The following LMTK3 variants were observed in gnomAD, a reference collection of about 807,000 sequenced individuals.
LMTK3 encodes the protein lemur tail kinase 3.
In LMTK3, 27 loss-of-function variants were observed where a neutral mutation model predicts 116.7. The observed-to-expected ratio is 0.23, with a 90% CI of 0.17 to 0.32. LMTK3 has a LOEUF of 0.32. LMTK3 is among the 10% of genes least tolerant of loss of function. LMTK3 has a pLI of 1.00. For missense variants in LMTK3, 1,764 were observed against 2,068.5 expected (o/e 0.85, Z 2.86); for synonymous variants, 965 against 971.0 (o/e 0.99, Z 0.11).
At position 48,488,139 on chromosome 19, in the gene LMTK3, C is replaced by T. The variant is rs182552525; in HGVS notation, c.4367-2350G>A. ...AGGTGAAGCCATTCTCGCTTGCCAG[C>T]CCTGCCAGCTCAGCCCTGACTCACC... On this transcript the variant is annotated intron_variant, in intron 14 of 14. Transcript: ENST00000600059. 2.4e-3 allele frequency among the ~76,000 whole-genome samples: 367 copies of T among 152,274 alleles called. 3 individuals are homozygous for T. Among genetic ancestry groups the T allele is most frequent in the African/African-American group, 8.4e-3 (348 of 41,532 alleles).
At chr19:48,510,651 G>GC (rs1008211017) in intron 1 of LMTK3, 59 bp from the exon 2 acceptor site, 3 of 1,475,392 alleles carry the variant, frequency 2.0e-6, no homozygotes, top group Admixed American at 5.6e-5. Context: ...CCGGAATCAT[G>GC]CCCCCTCCCG....
intron 7 of LMTK3, among the ~76,000 whole-genome samples, chr19:48,502,142 C>A (rs899152044): frequency 7.8e-6 from 1 of 128,922 alleles, no homozygotes; most frequent in African/African-American, 3.0e-5. Flanking sequence ...TCCTCCTCCT[C>A]CCCTGACCCC....
chr19:48,511,379 T>G lies in LMTK3; in HGVS notation c.76+122A>C, dbSNP rs551126254. On this transcript the variant is annotated intron_variant, in intron 1 of 14. Transcript: ENST00000600059. ...CCGTCCCCGCCGCTCCGGGCCCTGC[T>G]GGGCTGCGGGAAGACGCGCACCAGG... 5 of 368,880 alleles carry G rather than the reference T, an allele frequency of 1.4e-5. No individual in the cohort carries two copies. In the South Asian group the frequency reaches 3.1e-4, roughly 23 times the overall value. 22.9% of individuals were successfully genotyped at this position (368,880 alleles called of 1,614,324 possible).
intron 4 of LMTK3, 33 bp downstream of exon 4, chr19:48,509,404 T>C: frequency 6.5e-7 from 1 of 1,538,452 alleles, no homozygotes. Flanking sequence ...TCGGGATCCA[T>C]GGAGCCCTGC....
Position 48,493,975 on chromosome 19 carries a change from G to A in LMTK3, c.3811C>T (p.Pro1271Ser). Residue 1271 changes from proline (P) to serine (S), a missense_variant, in exon 12 of 15, where the codon CCG becomes TCG. By Grantham distance (74) the Pro-to-Ser change is moderately conservative (BLOSUM62 -1). Around this residue, in one of 7 missense-constraint regions of LMTK3, gnomAD observed 281 missense variants for 301.4 expected, o/e 0.93. Coordinates refer to ENST00000600059, the MANE Select transcript of LMTK3 (RefSeq NM_001388485.1). ...AGGEAGGAGA[P>S]GPAEEDGEDE... ...TCCCCGTCCTCCTCCGCCGGCCCCG[G>A]CGCTCCCGCCCCGCCGGCCTCCCCG... The A allele has an allele frequency of 9.5e-7, 1 of 1,049,388 alleles. No individual in the cohort carries two copies. Among genetic ancestry groups the A allele is most frequent in the Non-Finnish European group, 1.1e-6 (1 of 875,036 alleles). 65.0% of individuals were successfully genotyped at this position (1,049,388 alleles called of 1,614,324 possible).
chr19:48,511,466 G>T, intron 1 of LMTK3, 35 bp downstream of exon 1: 2 of 1,045,912 alleles, frequency 1.9e-6, no homozygotes, highest in Non-Finnish European at 2.6e-6. Context: ...CGGGGGTGGG[G>T]GCCACCGGAC....
At chr19:48,509,054 C>T in intron 4 of LMTK3, 85 bp from the exon 5 acceptor site, 1 of 873,888 alleles carries the variant, frequency 1.1e-6, no homozygotes, top group Non-Finnish European at 1.8e-6. Flanking sequence ...CACACAGCTC[C>T]CAACCCCCGG....
At chr19:48,506,690 T>G (rs1036086463) in intron 5 of LMTK3, among the ~76,000 whole-genome samples, 8 of 152,108 alleles carry the variant, frequency 5.3e-5, no homozygotes, top group Admixed American at 6.6e-5. Context: ...TTGTTGTTGT[T>G]TTCTCACGCT....
chr19:48,488,093 G>A lies in LMTK3; in HGVS notation c.4367-2304C>T, dbSNP rs141953666. Among the ~76,000 whole-genome samples, 412 of 152,164 alleles carry A rather than the reference G, an allele frequency of 2.7e-3. 3 individuals carry two copies. Among genetic ancestry groups the A allele is most frequent in the African/African-American group, 9.3e-3 (388 of 41,524 alleles). ...GGGGTTTGGCACAATTGCACCCTCC[G>A]TCTCCTCTCCTGGTGATTAAAGGTG... On this transcript the variant is annotated intron_variant, in intron 14 of 14. Coordinates refer to ENST00000600059, the MANE Select transcript of LMTK3 (RefSeq NM_001388485.1).
chr19:48,499,781 G>C lies in LMTK3; in HGVS notation c.1288C>G (p.Pro430Ala). Residue 430 changes from proline (P) to alanine (A), a missense_variant, in exon 11 of 15, where the codon CCC (proline) becomes GCC (alanine). Pro to Ala is a conservative substitution (Grantham distance 27). This residue lies in a region of LMTK3 where 63 missense variants were observed against 65.0 expected (regional missense o/e 0.97). Coordinates refer to ENST00000600059, the MANE Select transcript of LMTK3 (RefSeq NM_001388485.1). ...PPPPPPPRDG[P>A]FPWPWPPAHS... ...GCAGGGGGCCAGGGCCAGGGGAAGG[G>C]ACCGTCTCGGGGTGGGGGTGGCGGC... 1 of 1,325,396 alleles carries C rather than the reference G, an allele frequency of 7.5e-7. No individual in the cohort carries two copies. Among genetic ancestry groups the C allele is most frequent in the Non-Finnish European group, 1.0e-6 (1 of 985,728 alleles). The allele number at this position is 1,325,396 out of a possible 1,614,324, so 82.1% of individuals were successfully genotyped here.
In LMTK3 at chr19:48,486,250, G is replaced by T. The variant is rs376003268; in HGVS notation, c.4367-461C>A. On this transcript the variant is annotated intron_variant, in intron 14 of 14. Coordinates refer to ENST00000600059, the MANE Select transcript of LMTK3 (RefSeq NM_001388485.1). ...AATTTTTTGTATTTTTAGTAGAGAC[G>T]GGGTTTCACCGTTTTAGCCGGGATG... Among the ~76,000 whole-genome samples the T allele has an allele frequency of 3.5e-3, 521 of 149,714 alleles. 6 individuals carry two copies. The highest frequency in any genetic ancestry group is 0.012 in the African/African-American group (486 of 40,250).
chr19:48,500,251 C>T lies in LMTK3; in HGVS notation c.1152-334G>A, dbSNP rs1007082523. Among the ~76,000 whole-genome samples the T allele has an allele frequency of 2.0e-5, 3 of 151,980 alleles. No individual in the cohort carries two copies. Among genetic ancestry groups the T allele is most frequent in the South Asian group, 4.1e-4 (2 of 4,830 alleles). On this transcript the variant is annotated intron_variant, in intron 10 of 14. Coordinates refer to ENST00000600059, the MANE Select transcript of LMTK3 (RefSeq NM_001388485.1). The surrounding 1 kb of genome is among the most constrained non-coding windows in gnomAD (Gnocchi z 4.0). ...CAGCCTGGCTAACATGGTGAAACCC[C>T]GTTTCTACTAAAAATACAAAAAATT...
upstream of LMTK3, among the ~76,000 whole-genome samples, chr19:48,512,812 A>T (rs966000447): frequency 3.3e-5 from 5 of 152,178 alleles, no homozygotes; most frequent in South Asian, 2.1e-4. Flanking sequence ...CACATGCAAA[A>T]ATACACATAA....
chr19:48,511,756 C>A lies in LMTK3; in HGVS notation c.-180G>T. On this transcript the variant is annotated 5_prime_UTR_variant, in exon 1 of 15. Coordinates refer to ENST00000600059, the MANE Select transcript of LMTK3 (RefSeq NM_001388485.1). Reference sequence around the variant, plus strand: ...CTTGCTGGCTCAGGTACCCCCCTCCCCCTCTTTGAAGGGACAGACGGATGA... The same window carrying A: ...CTTGCTGGCTCAGGTACCCCCCTCCACCTCTTTGAAGGGACAGACGGATGA... 1 of 409,710 alleles carries A rather than the reference C, an allele frequency of 2.4e-6. No homozygotes were observed. The highest frequency in any genetic ancestry group is 4.3e-6 in the Non-Finnish European group (1 of 229,932). 25.4% of individuals were successfully genotyped at this position (409,710 alleles called of 1,614,324 possible). A position where few individuals can be genotyped will look rare whatever the true frequency, so the allele number is the denominator to read the frequency against.
At position 48,501,390 on chromosome 19, in the gene LMTK3, C is replaced by G; in HGVS notation, c.894G>C (p.Leu298=). 6.2e-7 allele frequency: 1 copy of G among 1,613,010 alleles called. No homozygotes were observed. The highest frequency in any genetic ancestry group is 2.2e-5 in the East Asian group (1 of 44,868). ...AHSNYKEDYY[L]TPERLWIPLR... ...GTGGGATCCACAGGCGCTCTGGGGT[C>G]AGGTAGTAGTCCTCCTGAGGGAACC... Residue 298 remains leucine (L), a synonymous_variant, in exon 9 of 15, where the codon CTG becomes CTC. Coordinates refer to ENST00000600059, the MANE Select transcript of LMTK3 (RefSeq NM_001388485.1).
At chr19:48,486,179 C>G (rs1273760275) in intron 14 of LMTK3, among the ~76,000 whole-genome samples, 1 of 148,200 alleles carries the variant, frequency 6.7e-6, no homozygotes, top group South Asian at 2.1e-4. Context: ...CCTGCCTCAG[C>G]CTCCCAAGTA....
chr19:48,510,420 A>C lies in LMTK3; in HGVS notation c.210+39T>G, dbSNP rs759510243. 5 of 1,574,150 alleles carry C rather than the reference A, an allele frequency of 3.2e-6. No homozygotes were observed. The African/African-American group carries it at 6.8e-5, about 21-fold the overall frequency. On this transcript the variant is annotated intron_variant, in intron 2 of 14. Transcript: ENST00000600059. ...GTGTAGGGGGTAAAGGCCTTGCTGGAGTCTTCCTCCCCAAGTTGAATCCCC... is the reference window on the plus strand; with the variant it reads ...GTGTAGGGGGTAAAGGCCTTGCTGGCGTCTTCCTCCCCAAGTTGAATCCCC...
chr19:48,486,047 CTTTTTTTTTTTTTTT>C (rs141193575), intron 14 of LMTK3, among the ~76,000 whole-genome samples: 3 of 59,712 alleles, frequency 5.0e-5, no homozygotes, highest in Non-Finnish European at 5.9e-5. Flanking sequence ...AACATTCTTC[CTTTTTTTTTTTTTTT>C]TTTTTTTTTT....
intron 14 of LMTK3, among the ~76,000 whole-genome samples, chr19:48,489,607 A>C (rs974876008): frequency 2.0e-5 from 3 of 152,174 alleles, no homozygotes; most frequent in African/African-American, 7.2e-5. Context: ...ATAATAGCTA[A>C]TGGTTAGAGA....
Sources: allele counts gnomAD v4.1 joint callset (sites outside exome capture counted in the v4.1 genomes callset), GRCh38; gene constraint gnomAD v4.1.1; regional missense constraint gnomAD v4.1.1; non-coding constraint Gnocchi (gnomAD v3.1); transcripts MANE v1.5; gene names NCBI Gene and HGNC (gene_info 2026-07-23, HGNC 2026-07-21).